The following NFIA variants were observed in gnomAD, a reference collection of about 807,000 sequenced individuals.
The protein encoded by NFIA is nuclear factor 1 A-type.
In NFIA, 8 loss-of-function variants were observed where a neutral mutation model predicts 62.8. That is an observed-to-expected ratio of 0.13 (90% CI 0.07 to 0.23). The LOEUF (loss-of-function observed/expected upper bound fraction) is 0.23. Among genes scored for constraint, NFIA ranks in the 10% least tolerant of loss-of-function variants. NFIA has a pLI of 1.00. For missense variants in NFIA, 410 were observed against 642.1 expected, an observed-to-expected ratio of 0.64 and a Z score of 3.91; for synonymous variants, 235 against 238.1, an observed-to-expected ratio of 0.99 and a Z score of 0.12.
chr1:61,254,405 A>G (rs1656242489), intron 2 of NFIA, among the ~76,000 whole-genome samples: 2 of 152,216 alleles, frequency 1.3e-5, no homozygotes, highest in Non-Finnish European at 2.9e-5. Flanking sequence ...AAATACAAGG[A>G]TCCAGTAAAT....
intron 3 of NFIA, among the ~76,000 whole-genome samples, chr1:61,283,139 T>C (rs1001433739): frequency 6.6e-6 from 1 of 152,248 alleles, no homozygotes; most frequent in Non-Finnish European, 1.5e-5. Context: ...GAGGTATCAT[T>C]GTTAAATGTT....
chr1:61,301,730 T>A (rs1156488259), intron 3 of NFIA, among the ~76,000 whole-genome samples: 1 of 152,232 alleles, frequency 6.6e-6, no homozygotes, highest in Non-Finnish European at 1.5e-5. Context: ...GAGCCTTTTT[T>A]AAGAGAGTAT....
intron 2 of NFIA, among the ~76,000 whole-genome samples, chr1:61,220,402 A>G (rs1438417007): frequency 6.6e-6 from 1 of 152,214 alleles, no homozygotes; most frequent in African/African-American, 2.4e-5. Context: ...CTACTTTATT[A>G]TAACATACTT....
At chr1:61,333,354 C>T (rs1324757911) in intron 4 of NFIA, among the ~76,000 whole-genome samples, 1 of 152,150 alleles carries the variant, frequency 6.6e-6, no homozygotes, top group Non-Finnish European at 1.5e-5. Flanking sequence ...TCATACCCCC[C>T]ATTCACTGTG....
At chr1:61,309,653 G>A (rs1659988929) in intron 3 of NFIA, among the ~76,000 whole-genome samples, 1 of 152,202 alleles carries the variant, frequency 6.6e-6, no homozygotes. Context: ...CACTCTGGGA[G>A]GCCAGGGTGG....
At chr1:61,269,233 G>A (rs1342892444) in intron 2 of NFIA, among the ~76,000 whole-genome samples, 4 of 149,064 alleles carry the variant, frequency 2.7e-5, no homozygotes, top group Admixed American at 6.7e-5. Flanking sequence ...AAAAAAAAAA[G>A]AATTGGTTAT....
chr1:61,388,568 G>A (rs17122108), intron 7 of NFIA, among the ~76,000 whole-genome samples: 2,068 of 152,278 alleles, frequency 0.014, 50 homozygotes, highest in African/African-American at 0.047. Context: ...TAAGAAGATA[G>A]TGAATGATAC....
chr1:61,113,518 G>A (rs539714160), intron 2 of NFIA, among the ~76,000 whole-genome samples: 15 of 144,458 alleles, frequency 1.0e-4, no homozygotes, highest in South Asian at 2.2e-4. Context: ...TGCTTGAACC[G>A]TTGAGGCGGA....
At chr1:61,133,450 T>G (rs10789092) in intron 2 of NFIA, among the ~76,000 whole-genome samples, 11,638 of 152,264 alleles carry the variant, frequency 0.076, 446 homozygotes, top group East Asian at 0.098. Flanking sequence ...GAATGTTTTA[T>G]GAGGAAGGGA....
At position 61,173,223 on chromosome 1, in the gene NFIA, G is replaced by A. The variant is rs535509149; in HGVS notation, c.559+84543G>A. Among the ~76,000 whole-genome samples the A allele has an allele frequency of 5.3e-5, 8 of 152,294 alleles. No individual in the cohort carries two copies. The East Asian group carries it at 5.8e-4, about 11-fold the overall frequency. On this transcript the variant is annotated intron_variant, in intron 2 of 10. Coordinates refer to ENST00000403491, the MANE Select transcript of NFIA (RefSeq NM_001134673.4). ...AAATTGGTAGTTCTTGCTGAGGAAC[G>A]TGGAAATCTGAAGGAGAGACAGATC...
chr1:61,444,207 A>G lies in NFIA; in HGVS notation c.1513-11096A>G, dbSNP rs529077736. Among the ~76,000 whole-genome samples the G allele has an allele frequency of 2.6e-5, 4 of 152,334 alleles. No homozygotes were observed. The South Asian group carries it at 8.3e-4, about 32-fold the overall frequency. On this transcript the variant is annotated intron_variant, in intron 10 of 10. Transcript: ENST00000403491. ...TAAGTCATGGCCATGAGATTCTAGA[A>G]TCTACATCTAGAAGCCATTTTCAAC...
rs528950161 is a variant in NFIA at position 61,329,013 on chromosome 1, G to A, written c.626-3499G>A. ...GCTGGGATTACAGGCATGAGCCACC[G>A]CACCCAGCCTCCATTTATAATTTTT... On this transcript the variant is annotated intron_variant, in intron 3 of 10. Transcript: ENST00000403491. Among the ~76,000 whole-genome samples the A allele has an allele frequency of 1.7e-3, 261 of 150,442 alleles. 1 individual carries two copies. The highest frequency in any genetic ancestry group is 6.2e-3 in the African/African-American group (253 of 41,048).
intron 4 of NFIA, among the ~76,000 whole-genome samples, chr1:61,333,411 A>G (rs943134092): frequency 3.3e-5 from 5 of 152,198 alleles, no homozygotes; most frequent in African/African-American, 1.2e-4. Context: ...ATCTCAGGGC[A>G]TGACGTCAGG....
intron 2 of NFIA, among the ~76,000 whole-genome samples, chr1:61,157,953 A>G (rs2100531184): frequency 6.6e-6 from 1 of 152,364 alleles, no homozygotes; most frequent in East Asian, 1.9e-4. Context: ...GTAAATTGTT[A>G]TGTGTGATCC....
At chr1:61,128,004 C>T (rs2100483908) in intron 2 of NFIA, among the ~76,000 whole-genome samples, 1 of 152,252 alleles carries the variant, frequency 6.6e-6, no homozygotes, top group African/African-American at 2.4e-5. Context: ...CTTTGACTCC[C>T]TAGCACTGAA....
At chr1:61,204,404 T>C (rs1652752656) in intron 2 of NFIA, among the ~76,000 whole-genome samples, 1 of 152,268 alleles carries the variant, frequency 6.6e-6, no homozygotes, top group South Asian at 2.1e-4. Context: ...TGCATCTATT[T>C]GGATTTAGAG....
chr1:61,247,461 G>T (rs1570446615), intron 2 of NFIA, among the ~76,000 whole-genome samples: 1 of 152,134 alleles, frequency 6.6e-6, no homozygotes, highest in Non-Finnish European at 1.5e-5. Flanking sequence ...TCTGTGGCAG[G>T]GTCAGCTCAT....
chr1:61,102,356 A>G (rs1646525879), intron 2 of NFIA, among the ~76,000 whole-genome samples: 1 of 152,232 alleles, frequency 6.6e-6, no homozygotes, highest in South Asian at 2.1e-4. Context: ...AGCCATCTGT[A>G]TACAAATCTC....
Position 61,422,504 on chromosome 1 carries a change from T to C in NFIA, c.1421-3961T>C, listed in dbSNP as rs574892562. Among the ~76,000 whole-genome samples, 28 of 152,138 alleles carry C rather than the reference T, an allele frequency of 1.8e-4. 1 individual carries two copies. The Middle Eastern group carries it at 0.034, about 185-fold the overall frequency. ...AGATATATCCCTTATACCTTCCCATTTGGAAAAAGAAAAAAGGAAACCTAC... is the reference window on the plus strand; with the variant it reads ...AGATATATCCCTTATACCTTCCCATCTGGAAAAAGAAAAAAGGAAACCTAC... On this transcript the variant is annotated intron_variant, in intron 9 of 10. Coordinates refer to ENST00000403491, the MANE Select transcript of NFIA (RefSeq NM_001134673.4).
Sources: allele counts gnomAD v4.1 joint callset (sites outside exome capture counted in the v4.1 genomes callset), GRCh38; gene constraint gnomAD v4.1.1; transcripts MANE v1.5; gene names NCBI Gene and HGNC (gene_info 2026-07-23, HGNC 2026-07-21).